AFM: variants seen among roughly 807,000 people sequenced by gnomAD.
The protein encoded by AFM is afamin.
Under a neutral mutation model 68.7 loss-of-function variants are expected in AFM, and 82 were observed. That is an observed-to-expected ratio of 1.19 (90% confidence interval 1.00 to 1.43). The LOEUF is 1.43. Ranked by LOEUF, AFM falls within the 40% of genes most tolerant of loss-of-function variation. The pLI, the probability that AFM is intolerant of heterozygous loss-of-function variation, is 0.00. For synonymous variants in AFM, 250 were observed against 234.2 expected (o/e 1.07, Z -0.61); for missense variants, 772 against 701.8 (o/e 1.10, Z -1.13).
At chr4:73,484,456 TTCTTTC>T (rs2149342508) in intron 3 of AFM, 66 bp downstream of exon 3, 1 of 429,496 alleles carries the variant, frequency 2.3e-6, no homozygotes, top group South Asian at 5.9e-5. Context: ...CTTTCTTTCT[TTCTTTC>T]TTTCTTTCTT....
chr4:73,485,550 G>A lies in AFM; in HGVS notation c.271-312G>A, dbSNP rs569990338. On this transcript the variant is annotated intron_variant, in intron 3 of 14. Coordinates refer to ENST00000226355, the MANE Select transcript of AFM (RefSeq NM_001133.2). ...AGAAGAAGCAGAAAACAAGGAGAAG[G>A]AGAAGGAGGAGAAGGAGAAGGAGAA... Among the ~76,000 whole-genome samples the A allele has an allele frequency of 1.6e-3, 241 of 150,944 alleles. 1 individual carries two copies. Among genetic ancestry groups the A allele is most frequent in the Non-Finnish European group, 2.8e-3 (191 of 67,776 alleles).
chr4:73,502,020 C>A, intron 13 of AFM, 101 bp downstream of exon 13: 1 of 1,315,972 alleles, frequency 7.6e-7, no homozygotes. Flanking sequence ...CAGTGTCTAC[C>A]AGGACTACAT....
chr4:73,484,366 G>T lies in AFM; in HGVS notation c.246G>T (p.Thr82=), dbSNP rs140621266. The change falls in exon 3 of 15, where the codon ACG becomes ACT. Residue 82 remains threonine, a synonymous_variant. Transcript: ENST00000226355. ...EYKDRCMADK[T]LPECSKLPNN... Reference sequence around the variant, plus strand: ...AAGACAGATGTATGGCTGACAAGACGCTCCCAGAGTGTTCAAAATTACCTG... The same window carrying T: ...AAGACAGATGTATGGCTGACAAGACTCTCCCAGAGTGTTCAAAATTACCTG... 5.2e-5 allele frequency: 83 copies of T among 1,597,758 alleles called. 1 individual carries two copies. Among genetic ancestry groups the T allele is most frequent in the Non-Finnish European group, 5.1e-6 (6 of 1,174,342 alleles).
In AFM at chr4:73,487,730, C is replaced by T; in HGVS notation, c.622C>T (p.Pro208Ser). ...KVNCLQTRAIPVTQYLKAFSS... is the reference protein window; with the variant it reads ...KVNCLQTRAISVTQYLKAFSS... The stretch of plus-strand genomic sequence containing the variant: ...TTTTCTCTTTCTTCTTCAGGCAATA[C>T]CTGTCACACAATATTTAAAAGCATT... The change falls in exon 6 of 15, where the codon CCT becomes TCT. Residue 208 changes from proline to serine, a missense_variant. Transcript: ENST00000226355. 1.2e-6 allele frequency: 2 copies of T among 1,607,260 alleles called. No homozygotes were observed. Among genetic ancestry groups the T allele is most frequent in the Non-Finnish European group, 1.7e-6 (2 of 1,174,444 alleles).
At chr4:73,488,927 T>G (rs897091327) in intron 7 of AFM, among the ~76,000 whole-genome samples, 168 bp downstream of exon 7, 11 of 152,176 alleles carry the variant, frequency 7.2e-5, no homozygotes, top group African/African-American at 2.7e-4. Flanking sequence ...TAAATAAACC[T>G]TGGGATTTTT....
At chr4:73,484,203 C>T (rs1323401020) in intron 2 of AFM, 55 bp from the exon 3 acceptor site, 9 of 1,540,300 alleles carry the variant, frequency 5.8e-6, no homozygotes, top group Non-Finnish European at 7.8e-6. Context: ...TTTTTCTTGA[C>T]CATAAATGGA....
intron 5 of AFM, 119 bp from the exon 6 acceptor site, chr4:73,487,605 C>A: frequency 1.5e-6 from 1 of 669,734 alleles, no homozygotes; most frequent in Non-Finnish European, 2.5e-6. Context: ...AAATAAAAAT[C>A]CTGTAGATTT....
At chr4:73,500,931 C>T (rs927855902) in intron 12 of AFM, among the ~76,000 whole-genome samples, 4 of 152,090 alleles carry the variant, frequency 2.6e-5, no homozygotes, top group African/African-American at 9.7e-5. Flanking sequence ...TTTAACTATC[C>T]TGTTTTCATT....
chr4:73,486,238 A>G lies in AFM; in HGVS notation c.482+165A>G, dbSNP rs1023575126. ...AGATACTGTGCTCAGTGTTCAGGAT[A>G]TAACTATGATCAAGATATGGACCCT... On this transcript the variant is annotated intron_variant, in intron 4 of 14. Coordinates refer to ENST00000226355, the MANE Select transcript of AFM (RefSeq NM_001133.2). Among the ~76,000 whole-genome samples, 5 of 152,342 alleles carry G rather than the reference A, an allele frequency of 3.3e-5. No individual in the cohort carries two copies. The East Asian group carries it at 9.6e-4, about 29-fold the overall frequency.
Position 73,485,842 on chromosome 4 carries a change from T to A in AFM, c.271-20T>A. 1.9e-6 allele frequency: 3 copies of A among 1,603,968 alleles called. No individual in the cohort carries two copies. The highest frequency in any genetic ancestry group is 2.6e-6 in the Non-Finnish European group (3 of 1,171,466). Reference sequence around the variant, plus strand: ...ACTTTACCATGACTAAAAATTGTCCTTTTCTTCTCTGTTGTATAGAATAAT... The same window carrying A: ...ACTTTACCATGACTAAAAATTGTCCATTTCTTCTCTGTTGTATAGAATAAT... On this transcript the variant is annotated intron_variant, in intron 3 of 14. Transcript: ENST00000226355.
At chr4:73,492,243 C>T (rs1052866308) in intron 8 of AFM, among the ~76,000 whole-genome samples, 157 bp downstream of exon 8, 1 of 152,100 alleles carries the variant, frequency 6.6e-6, no homozygotes, top group African/African-American at 2.4e-5. Context: ...GTAGTTTTCA[C>T]ACAATTTTAA....
rs1194547603 is a variant in AFM at position 73,492,018 on chromosome 4, A to C, written c.990A>C (p.Glu330Asp). The change falls in exon 8 of 15, where the codon GAA (glutamate) becomes GAC (aspartate). Residue 330 changes from glutamate to aspartate, a missense_variant. By Grantham distance (45) the Glu-to-Asp change is conservative. Transcript: ENST00000226355. ...GACCAAAGGATTTATCTCTAAGAGA[A>C]GGAAAATTTACTGACAGTGAAAATG... Reference protein sequence around the residue: ...DDRPKDLSLREGKFTDSENVC... With the variant: ...DDRPKDLSLRDGKFTDSENVC... The C allele has an allele frequency of 6.2e-7, 1 of 1,613,354 alleles. No individual in the cohort carries two copies. The highest frequency in any genetic ancestry group is 8.5e-7 in the Non-Finnish European group (1 of 1,179,854).
chr4:73,486,083 A>T lies in AFM; in HGVS notation c.482+10A>T, dbSNP rs746329420. On this transcript the variant is annotated intron_variant, in intron 4 of 14. Coordinates refer to ENST00000226355, the MANE Select transcript of AFM (RefSeq NM_001133.2). Reference sequence around the variant, plus strand: ...AATCCCTTTTAAATCAGTAAGTTTAATCTTAGTAAAAAATGATCCAGTTGA... The same window carrying T: ...AATCCCTTTTAAATCAGTAAGTTTATTCTTAGTAAAAAATGATCCAGTTGA... The T allele has an allele frequency of 8.1e-6, 13 of 1,603,664 alleles. No individual in the cohort carries two copies. Among genetic ancestry groups the T allele is most frequent in the Non-Finnish European group, 1.1e-5 (13 of 1,171,522 alleles).
chr4:73,485,271 C>T (rs895594376), intron 3 of AFM, among the ~76,000 whole-genome samples: 13 of 152,084 alleles, frequency 8.5e-5, no homozygotes, highest in African/African-American at 2.9e-4. Flanking sequence ...ATGTCATCAC[C>T]TTGGGAGGTG....
At chr4:73,502,674 C>T (rs963864088) in intron 13 of AFM, among the ~76,000 whole-genome samples, 2 of 152,194 alleles carry the variant, frequency 1.3e-5, no homozygotes, top group African/African-American at 4.8e-5. Flanking sequence ...CAAACTCACA[C>T]ACGTGATTCA....
chr4:73,500,777 A>G (rs1721404058), intron 12 of AFM, among the ~76,000 whole-genome samples: 1 of 152,174 alleles, frequency 6.6e-6, no homozygotes, highest in South Asian at 2.1e-4. Context: ...ATACCATAAT[A>G]CTTGGCATAA....
rs532249992 is a variant in AFM at position 73,490,465 on chromosome 4, C to A, written c.844-1407C>A. Among the ~76,000 whole-genome samples the A allele has an allele frequency of 2.0e-5, 3 of 152,232 alleles. No individual in the cohort carries two copies. The South Asian group carries it at 6.2e-4, about 32-fold the overall frequency. On this transcript the variant is annotated intron_variant, in intron 7 of 14. Coordinates refer to ENST00000226355, the MANE Select transcript of AFM (RefSeq NM_001133.2). The stretch of plus-strand genomic sequence containing the variant: ...ACGGAGTCTGGCTCTGTCGCCCAGG[C>A]TGGAGTGCAGTGACAATGATCTCGG...
chr4:73,488,875 A>G, intron 7 of AFM, 116 bp downstream of exon 7: 1 of 1,005,814 alleles, frequency 9.9e-7, no homozygotes, highest in Non-Finnish European at 1.5e-6. Flanking sequence ...AATGTGATTT[A>G]ACTTTTGAAT....
At chr4:73,503,133 A>G (rs1577982998) in intron 14 of AFM, 23 bp downstream of exon 14, 1 of 1,535,848 alleles carries the variant, frequency 6.5e-7, no homozygotes, top group East Asian at 2.2e-5. Flanking sequence ...GCCTCATTCA[A>G]ATGTCAAATG....
Sources: allele counts gnomAD v4.1 joint callset (sites outside exome capture counted in the v4.1 genomes callset), GRCh38; gene constraint gnomAD v4.1.1; transcripts MANE v1.5; gene names NCBI Gene and HGNC (gene_info 2026-07-23, HGNC 2026-07-21).